Variants in COX7A2 observed in about 807,000 individuals in gnomAD.
COX7A2 encodes the protein cytochrome c oxidase subunit 7A2, mitochondrial.
In COX7A2, 11 loss-of-function variants were observed where a neutral mutation model predicts 11.6. The observed-to-expected ratio is 0.95, with a 90% CI of 0.60 to 1.57. The LOEUF is 1.57. Among genes scored for constraint, COX7A2 ranks in the 40% most tolerant of loss-of-function variants. COX7A2 has a pLI of 0.00. For missense variants in COX7A2, 106 were observed against 100.9 expected (o/e 1.05, Z -0.22); for synonymous variants, 30 against 38.2 (o/e 0.78, Z 0.79).
At chr6:75,241,624 C>T (rs960779657) in intron 1 of COX7A2, among the ~76,000 whole-genome samples, 5 of 152,080 alleles carry the variant, frequency 3.3e-5, no homozygotes, top group Non-Finnish European at 5.9e-5. Flanking sequence ...TACACCAAAC[C>T]CAAATATTTT....
chr6:75,245,943 C>T (rs1163323325), upstream of COX7A2, among the ~76,000 whole-genome samples: 1 of 152,196 alleles, frequency 6.6e-6, no homozygotes, highest in African/African-American at 2.4e-5. Flanking sequence ...TTCCATAGTA[C>T]TCCTTCGGTG....
At position 75,241,255 on chromosome 6, in the gene COX7A2, T is replaced by C. The variant is rs1187153065; in HGVS notation, c.29A>G (p.Gln10Arg). 7.8e-6 allele frequency: 12 copies of C among 1,533,778 alleles called. No homozygotes were observed. Among genetic ancestry groups the C allele is most frequent in the Non-Finnish European group, 1.8e-6 (2 of 1,126,654 alleles). The part of the protein sequence containing the change: MLRNLLALR[Q>R]IGQRTISTAS... ...AGTGCTTATCGTCCTCTGCCCAATC[T>C]GACGAAGAGCCTAAAATGAAAATAT... Residue 10 changes from glutamine to arginine, a missense_variant, in exon 2 of 4, where the codon CAG (glutamine) becomes CGG (arginine). By Grantham distance (43) the Gln-to-Arg change is conservative. Transcript: ENST00000684430.
intron 3 of COX7A2, among the ~76,000 whole-genome samples, chr6:75,239,893 G>A (rs989708759): frequency 6.6e-6 from 1 of 152,148 alleles, no homozygotes; most frequent in Non-Finnish European, 1.5e-5. Flanking sequence ...CCTGAGGTCA[G>A]GAGTTCAAGA....
intron 1 of COX7A2, among the ~76,000 whole-genome samples, chr6:75,243,102 A>G (rs901631567): frequency 7.9e-5 from 12 of 152,238 alleles, no homozygotes; most frequent in Non-Finnish European, 1.6e-4. Flanking sequence ...TAAATAATTT[A>G]AAAAATAAAA....
At chr6:75,249,009 G>C (rs1044065766) in intron 1 of COX7A2, among the ~76,000 whole-genome samples, 28 of 152,192 alleles carry the variant, frequency 1.8e-4, no homozygotes, top group African/African-American at 6.8e-4. Flanking sequence ...TGTAATCCCA[G>C]CACTTTGGGA....
upstream of COX7A2, among the ~76,000 whole-genome samples, chr6:75,247,128 T>C (rs1771696078): frequency 6.6e-6 from 1 of 152,246 alleles, no homozygotes; most frequent in Non-Finnish European, 1.5e-5. Context: ...GTCAGTAAGA[T>C]GGACATCAGA....
chr6:75,239,176 A>T (rs539924921), intron 3 of COX7A2, among the ~76,000 whole-genome samples: 2 of 152,290 alleles, frequency 1.3e-5, no homozygotes, highest in South Asian at 2.1e-4. Flanking sequence ...GGGAACCCCA[A>T]CTTAAAGCCA....
chr6:75,246,087 T>C (rs1355983435), upstream of COX7A2, among the ~76,000 whole-genome samples: 1 of 152,220 alleles, frequency 6.6e-6, no homozygotes, highest in Non-Finnish European at 1.5e-5. Context: ...ATTGAACTAC[T>C]ACTCCCACTT....
chr6:75,242,840 T>G (rs1771555365), intron 1 of COX7A2, among the ~76,000 whole-genome samples: 2 of 131,516 alleles, frequency 1.5e-5, no homozygotes, highest in African/African-American at 5.5e-5. Flanking sequence ...TAAAATAAAA[T>G]AAAATAAAAT....
intron 1 of COX7A2, among the ~76,000 whole-genome samples, chr6:75,242,303 A>C (rs983391534): frequency 6.6e-6 from 1 of 152,106 alleles, no homozygotes; most frequent in South Asian, 2.1e-4. Flanking sequence ...TAAGGAGTTC[A>C]AGACCCGGCC....
intron 3 of COX7A2, 138 bp from the exon 4 acceptor site, chr6:75,238,126 C>G: frequency 2.3e-6 from 1 of 431,778 alleles, no homozygotes; most frequent in East Asian, 3.5e-5. Flanking sequence ...TTGATAGGTG[C>G]TGGAAAAATT....
chr6:75,242,570 C>T (rs949876764), intron 1 of COX7A2, among the ~76,000 whole-genome samples: 2 of 147,180 alleles, frequency 1.4e-5, no homozygotes, highest in Non-Finnish European at 3.0e-5. Flanking sequence ...GCCAGTAATC[C>T]CAGCGCTTTG....
At chr6:75,246,595 T>C (rs370388853), upstream of COX7A2, among the ~76,000 whole-genome samples, 13 of 152,368 alleles carry the variant, frequency 8.5e-5, no homozygotes, top group African/African-American at 3.1e-4. Context: ...TTTACTCATG[T>C]ATCCCTGGCA....
intron 1 of COX7A2, among the ~76,000 whole-genome samples, chr6:75,242,820 AAAAAAAAAATAAAAT>A (rs201187103): frequency 0.86 from 127,335 of 147,882 alleles, 54,604 homozygotes; most frequent in Non-Finnish European, 0.93. Context: ...CTACGTCTCA[AAAAAAAAAATAAAAT>A]AAAATAAAAT....
At chr6:75,240,955 T>C (rs1170776209) in intron 2 of COX7A2, 1 of 396,116 alleles carries the variant, frequency 2.5e-6, no homozygotes, top group African/African-American at 2.0e-5. Context: ...AAAACAAAAA[T>C]CACTCATAAT....
Position 75,243,766 on chromosome 6 carries a change from C to A in COX7A2, c.-32G>T. 1 of 1,614,108 alleles carries A rather than the reference C, an allele frequency of 6.2e-7. No homozygotes were observed. The highest frequency in any genetic ancestry group is 8.5e-7 in the Non-Finnish European group (1 of 1,179,962). ...TGTTACTGACCAGCAACCGCCACAACTGAACACCACCAACGAAAATGGCCA... is the reference window on the plus strand; with the variant it reads ...TGTTACTGACCAGCAACCGCCACAAATGAACACCACCAACGAAAATGGCCA... On this transcript the variant is annotated 5_prime_UTR_variant, in exon 1 of 4. Transcript: ENST00000684430.
Position 75,240,353 on chromosome 6 carries a change from A to ATG in COX7A2, c.140_141insCA (p.Gly48MetfsTer3). On this transcript the variant is annotated frameshift_variant, in exon 3 of 4. Transcript: ENST00000684430. LOFTEE classifies it high-confidence loss of function. Reference sequence around the variant, plus strand: ...TATACAGGAGGGCATCAGCTACCCCACCCTTTAGATACAGTGGAATTTCAT... The same window carrying ATG: ...TATACAGGAGGGCATCAGCTACCCCATGCCCTTTAGATACAGTGGAATTTCAT... 6.2e-7 allele frequency: 1 copy of ATG among 1,602,692 alleles called. No individual in the cohort carries two copies. Among genetic ancestry groups the ATG allele is most frequent in the Non-Finnish European group, 8.5e-7 (1 of 1,175,974 alleles).
chr6:75,243,959 C>T (rs1227403433), upstream of COX7A2: 3 of 759,028 alleles, frequency 4.0e-6, no homozygotes, highest in Non-Finnish European at 4.2e-6. Context: ...CCCGTGATCT[C>T]GTTCCTGACC....
At chr6:75,243,598 A>C (rs1045496310) in intron 1 of COX7A2, 119 bp downstream of exon 1, 5 of 853,588 alleles carry the variant, frequency 5.9e-6, no homozygotes, top group Non-Finnish European at 1.9e-6. Flanking sequence ...ACACGAATCA[A>C]GGTGACTTCA....
Sources: gnomAD v4.1 joint callset for allele counts (sites outside exome capture counted in the v4.1 genomes callset) on GRCh38, gnomAD v4.1.1 for gene constraint, MANE v1.5 for transcripts, NCBI Gene and HGNC (gene_info 2026-07-23, HGNC 2026-07-21) for gene names.